The following LRRC56 variants were observed in gnomAD, a reference collection of about 807,000 sequenced individuals.
LRRC56 encodes leucine rich repeat containing 56.
A neutral mutation model predicts 47.8 loss-of-function variants in LRRC56; 41 were observed. The observed-to-expected ratio is 0.86, with a 90% CI of 0.67 to 1.11. The LOEUF (loss-of-function observed/expected upper bound fraction) is 1.11. Ranked by LOEUF, LRRC56 falls within the 50% of genes most tolerant of loss-of-function variation. The pLI is 0.00. For missense variants in LRRC56, 759 were observed against 704.2 expected (o/e 1.08, Z -0.88); for synonymous variants, 387 against 311.2 (o/e 1.24, Z -2.56).
chr11:547,859 G>A lies in LRRC56; in HGVS notation c.327-2043G>A, dbSNP rs915750849. On this transcript the variant is annotated intron_variant, in intron 6 of 13. Coordinates refer to ENST00000270115, the MANE Select transcript of LRRC56 (RefSeq NM_198075.4). ...AAAATATATTCAGGCCAGGTGCGGT[G>A]GCTCACACCTGTAATCCCAGCACTT... Among the ~76,000 whole-genome samples, 7 of 152,234 alleles carry A rather than the reference G, an allele frequency of 4.6e-5. No individual in the cohort carries two copies. In the East Asian group the frequency reaches 1.2e-3, roughly 25 times the overall value.
At chr11:552,046 A>T (rs759736479) in intron 11 of LRRC56, 44 bp from the exon 12 acceptor site, 7 of 1,604,608 alleles carry the variant, frequency 4.4e-6, no homozygotes, top group African/African-American at 4.0e-5. Context: ...CCCTGCCGCC[A>T]TTCCAGGGCC....
At position 554,112 on chromosome 11, in the gene LRRC56, C is replaced by T. The variant is rs200103306; in HGVS notation, c.1465C>T (p.Leu489=). Residue 489 remains leucine, a synonymous_variant, in exon 14 of 14, where the codon CTG becomes TTG. Coordinates refer to ENST00000270115, the MANE Select transcript of LRRC56 (RefSeq NM_198075.4). ...LRVLGSWGPG[L]GDGVAAVPVL... ...AGTCCTGGGCAGCTGGGGGCCTGGC[C>T]TGGGTGATGGGGTGGCTGCAGTGCC... The T allele has an allele frequency of 3.1e-6, 5 of 1,605,962 alleles. No homozygotes were observed. The East Asian group carries it at 1.1e-4, about 36-fold the overall frequency.
the LRRC56 span, among the ~76,000 whole-genome samples, chr11:525,695 A>C: frequency 6.6e-6 from 1 of 152,034 alleles, no homozygotes; most frequent in Admixed American, 6.6e-5. Flanking sequence ...CAGGAGTTTG[A>C]GACCAGCCTG....
At chr11:527,689 G>C in the LRRC56 span, among the ~76,000 whole-genome samples, 1 of 137,332 alleles carries the variant, frequency 7.3e-6, no homozygotes, top group Non-Finnish European at 1.6e-5. Flanking sequence ...CCGCCACCAC[G>C]CCCGGCTAAT....
At chr11:534,861 G>A (rs997372418), upstream of LRRC56, among the ~76,000 whole-genome samples, 5 of 152,226 alleles carry the variant, frequency 3.3e-5, no homozygotes, top group African/African-American at 1.2e-4. Flanking sequence ...GGGGAGGGCA[G>A]ACCCGGGCAG....
At position 554,819 on chromosome 11, in the gene LRRC56, GCCCCGGAACCCAAACCAACATT is replaced by G. The variant is rs1233304593; in HGVS notation, c.*544_*565del. ...CCGTTCCCTCCTCTTGGCGCAGGACGCCCCGGAACCCAAACCAACATTTCCAGCTCTCAGGTGTACAGAAATG... is the reference window on the plus strand; with the variant it reads ...CCGTTCCCTCCTCTTGGCGCAGGACGTCCAGCTCTCAGGTGTACAGAAATG... On this transcript the variant is annotated 3_prime_UTR_variant, in exon 14 of 14. Transcript: ENST00000270115. 1.5e-3 allele frequency: 819 copies of G among 560,226 alleles called. 7 individuals carry two copies. The African/African-American group carries it at 0.015, about 10-fold the overall frequency. 34.7% of individuals were successfully genotyped at this position (560,226 alleles called of 1,614,324 possible). A position where few individuals can be genotyped will look rare whatever the true frequency, so the allele number is the denominator to read the frequency against.
At chr11:519,230 T>C in the LRRC56 span, among the ~76,000 whole-genome samples, 1 of 152,242 alleles carries the variant, frequency 6.6e-6, no homozygotes, top group South Asian at 2.1e-4. Context: ...TGTTTCTTCC[T>C]AAAGGAACGT....
chr11:533,266 G>C (rs377733297), upstream of LRRC56: 7 of 1,575,502 alleles, frequency 4.4e-6, no homozygotes, highest in Non-Finnish European at 6.0e-6. Context: ...CTGCCGTCCC[G>C]GGAGACTTAC....
chr11:534,345 C>A (rs377669809), upstream of LRRC56: 1 of 1,586,712 alleles, frequency 6.3e-7, no homozygotes, highest in South Asian at 1.1e-5. Context: ...GCCTGCGGCC[C>A]GGGGTCCTCC....
At chr11:552,762 A>AG in intron 13 of LRRC56, 60 bp downstream of exon 13, 2 of 1,452,738 alleles carry the variant, frequency 1.4e-6, no homozygotes, top group Non-Finnish European at 9.4e-7. Context: ...CCACTTCTAT[A>AG]GGGGGGCCCT....
the LRRC56 span, among the ~76,000 whole-genome samples, chr11:511,237 C>T: frequency 3.3e-5 from 5 of 150,220 alleles, no homozygotes; most frequent in African/African-American, 7.4e-5. Context: ...AGGAGAATGG[C>T]GTGAACCCGG....
At chr11:548,674 G>A (rs1038288267) in intron 6 of LRRC56, among the ~76,000 whole-genome samples, 10 of 152,010 alleles carry the variant, frequency 6.6e-5, no homozygotes, top group Non-Finnish European at 1.2e-4. Context: ...TAACCAGGAC[G>A]GTCTAGATCT....
chr11:513,075 C>G, the LRRC56 span, among the ~76,000 whole-genome samples: 6 of 152,258 alleles, frequency 3.9e-5, no homozygotes, highest in African/African-American at 1.4e-4. Flanking sequence ...TCTCAGCACA[C>G]TCTGCCCAGC....
At chr11:532,408 CG>C in the LRRC56 span, 1 of 643,714 alleles carries the variant, frequency 1.6e-6, no homozygotes, top group Admixed American at 2.6e-5. Context: ...CCCACGGTCC[CG>C]GGGTGACTGG....
At chr11:535,726 G>A (rs990031778), upstream of LRRC56, among the ~76,000 whole-genome samples, 21 of 152,118 alleles carry the variant, frequency 1.4e-4, no homozygotes, top group Non-Finnish European at 2.8e-4. Flanking sequence ...CGCGGGAGGC[G>A]GAGCCAGTAG....
chr11:528,604 C>T, the LRRC56 span: 2 of 152,220 alleles, frequency 1.3e-5, no homozygotes, highest in South Asian at 2.1e-4. Context: ...ATCCCCAGGA[C>T]CACCCCGGGT....
intron 1 of LRRC56, 33 bp downstream of exon 1, chr11:537,638 C>T (rs1396259765): frequency 6.6e-6 from 1 of 152,196 alleles, no homozygotes; most frequent in Non-Finnish European, 1.5e-5. Flanking sequence ...GGGTGGGAGC[C>T]GCAAGCCTCG....
chr11:518,779 G>A, the LRRC56 span, among the ~76,000 whole-genome samples: 13 of 152,106 alleles, frequency 8.5e-5, no homozygotes, highest in Admixed American at 3.3e-4. Flanking sequence ...CGGGGCCGCC[G>A]GAGAGGACTC....
At chr11:518,718 G>A in the LRRC56 span, among the ~76,000 whole-genome samples, 2 of 152,184 alleles carry the variant, frequency 1.3e-5, no homozygotes, top group African/African-American at 4.8e-5. Context: ...GGCAGGAAAC[G>A]CAGCCAGCGC....
Sources: gnomAD v4.1 joint callset for allele counts (sites outside exome capture counted in the v4.1 genomes callset) on GRCh38, gnomAD v4.1.1 for gene constraint, MANE v1.5 for transcripts, NCBI Gene and HGNC (gene_info 2026-07-23, HGNC 2026-07-21) for gene names.